Variants in CCDC86 observed in about 807,000 individuals in gnomAD.
The protein encoded by CCDC86 is coiled-coil domain-containing protein 86.
CCDC86 carries 28 observed loss-of-function variants against 36.7 expected under a neutral mutation model. That is an observed-to-expected ratio of 0.76 (90% CI 0.57 to 1.05). The LOEUF (loss-of-function observed/expected upper bound fraction) is 1.05, where lower values mean the gene tolerates loss of function less well. Among genes scored for constraint, CCDC86 ranks in the 50% least tolerant of loss-of-function variants. The pLI, the probability that CCDC86 is intolerant of heterozygous loss-of-function variation, is 0.00. For missense variants in CCDC86, 453 were observed against 470.2 expected, an observed-to-expected ratio of 0.96 and a Z score of 0.34; for synonymous variants, 199 against 203.4, an observed-to-expected ratio of 0.98 and a Z score of 0.18.
Position 60,848,071 on chromosome 11 carries a change from C to T in CCDC86, c.888+18C>T, listed in dbSNP as rs1855210080. The T allele has an allele frequency of 1.2e-6, 2 of 1,610,058 alleles. No individual in the cohort carries two copies. Among genetic ancestry groups the T allele is most frequent in the Admixed American group, 1.7e-5 (1 of 59,832 alleles). On this transcript the variant is annotated intron_variant, in intron 2 of 3. Coordinates refer to ENST00000227520, the MANE Select transcript of CCDC86 (RefSeq NM_024098.4). ...GCCGCCAGGTGAGGGGCCAGCCAGG[C>T]TGAGGCTGGGGCTCAGAGGACTAAG...
At position 60,842,271 on chromosome 11, in the gene CCDC86, G is replaced by A. The variant is rs909573791; in HGVS notation, c.147G>A (p.Pro49=). The A allele has an allele frequency of 1.9e-6, 3 of 1,613,466 alleles. No homozygotes were observed. Among genetic ancestry groups the A allele is most frequent in the African/African-American group, 2.7e-5 (2 of 75,042 alleles). ...PEETREPGSP[P]SVQRAGLGSP... ...AAACGAGGGAGCCCGGGTCTCCTCC[G>A]AGTGTGCAGCGGGCTGGCCTGGGGT... Residue 49 remains proline, a synonymous_variant, in exon 1 of 4, where the codon CCG becomes CCA. Coordinates refer to ENST00000227520, the MANE Select transcript of CCDC86 (RefSeq NM_024098.4).
In CCDC86 at chr11:60,847,983, A is replaced by T. The variant is rs1855208661; in HGVS notation, c.818A>T (p.Glu273Val). The change falls in exon 2 of 4, where the codon GAA (glutamate) becomes GTA (valine). Residue 273 changes from glutamate (E) to valine (V), a missense_variant. By Grantham distance (121) the Glu-to-Val change is moderately radical (BLOSUM62 -2). Transcript: ENST00000227520. ...ACATCGTGGCAGCGGAAGATGAAGGAACGACAGGAGAGGAAGCTGGCCAAG... is the reference window on the plus strand; with the variant it reads ...ACATCGTGGCAGCGGAAGATGAAGGTACGACAGGAGAGGAAGCTGGCCAAG... ...LRTSWQRKMK[E>V]RQERKLAKDF... 6.2e-7 allele frequency: 1 copy of T among 1,613,784 alleles called. No homozygotes were observed. The highest frequency in any genetic ancestry group is 2.2e-5 in the East Asian group (1 of 44,858).
intron 2 of CCDC86, 53 bp downstream of exon 2, chr11:60,848,106 A>G (rs1012278566): frequency 6.3e-7 from 1 of 1,593,974 alleles, no homozygotes; most frequent in African/African-American, 1.3e-5. Flanking sequence ...GCTAGTGTCT[A>G]CTGGTACAGA....
chr11:60,849,300 C>T (rs1855223461), intron 2 of CCDC86, among the ~76,000 whole-genome samples: 1 of 152,224 alleles, frequency 6.6e-6, no homozygotes, highest in African/African-American at 2.4e-5. Flanking sequence ...TCATTGATTT[C>T]CCAAAACTAT....
chr11:60,846,648 C>T (rs1855186326), intron 1 of CCDC86, among the ~76,000 whole-genome samples: 1 of 151,546 alleles, frequency 6.6e-6, no homozygotes, highest in South Asian at 2.1e-4. Flanking sequence ...AATCTCGGCT[C>T]ACCGCAACCT....
At chr11:60,844,542 A>G (rs1855160734) in intron 1 of CCDC86, among the ~76,000 whole-genome samples, 1 of 151,752 alleles carries the variant, frequency 6.6e-6, no homozygotes, top group South Asian at 2.1e-4. Flanking sequence ...CCAGTCCCCC[A>G]CTCATGTTTC....
intron 2 of CCDC86, among the ~76,000 whole-genome samples, chr11:60,849,688 C>G (rs2134803676): frequency 6.6e-6 from 1 of 152,342 alleles, no homozygotes; most frequent in African/African-American, 2.4e-5. Flanking sequence ...GTCTCAGCCC[C>G]TGTCCTCAGT....
chr11:60,842,989 A>T (rs1209375199), intron 1 of CCDC86, 107 bp downstream of exon 1: 2 of 1,380,182 alleles, frequency 1.4e-6, no homozygotes, highest in Middle Eastern at 1.9e-4. Context: ...GAGAGAGCTC[A>T]CGTTAGTGGG....
chr11:60,849,094 C>T (rs913961645), intron 2 of CCDC86, among the ~76,000 whole-genome samples: 25 of 152,102 alleles, frequency 1.6e-4, no homozygotes, highest in African/African-American at 5.6e-4. Flanking sequence ...CCCCTGCTAC[C>T]CCAAGTCACC....
chr11:60,842,963 A>C, intron 1 of CCDC86, 81 bp downstream of exon 1: 1 of 1,484,066 alleles, frequency 6.7e-7, no homozygotes, highest in Non-Finnish European at 9.0e-7. Context: ...CAGCCTGGAG[A>C]ATAGCCCCAG....
intron 2 of CCDC86, among the ~76,000 whole-genome samples, chr11:60,848,716 A>G (rs1396176112): frequency 6.6e-6 from 1 of 151,714 alleles, no homozygotes; most frequent in Admixed American, 6.6e-5. Context: ...TTCCTCCTCC[A>G]CTCCTCTAAT....
intron 1 of CCDC86, among the ~76,000 whole-genome samples, chr11:60,845,201 G>A (rs1342505025): frequency 1.3e-5 from 2 of 152,164 alleles, no homozygotes; most frequent in East Asian, 1.9e-4. Context: ...CAGAGGTCTC[G>A]CTGCTGGAAT....
Position 60,850,382 on chromosome 11 carries a change from A to G in CCDC86, c.*57A>G. Reference sequence around the variant, plus strand: ...ACAACCATGTCAGACACAGCACCTCAGGCCGCTGCTCAGATGCCTCTGCTG... The same window carrying G: ...ACAACCATGTCAGACACAGCACCTCGGGCCGCTGCTCAGATGCCTCTGCTG... On this transcript the variant is annotated 3_prime_UTR_variant, in exon 4 of 4. Coordinates refer to ENST00000227520, the MANE Select transcript of CCDC86 (RefSeq NM_024098.4). 3.1e-6 allele frequency: 5 copies of G among 1,592,378 alleles called. 1 individual carries two copies. The highest frequency in any genetic ancestry group is 4.3e-6 in the Non-Finnish European group (5 of 1,165,600).
At position 60,850,408 on chromosome 11, in the gene CCDC86, G is replaced by A; in HGVS notation, c.*83G>A. The stretch of plus-strand genomic sequence containing the variant: ...GGCCGCTGCTCAGATGCCTCTGCTG[G>A]AGCTGGCACTCCAAACCCATGGCTC... On this transcript the variant is annotated 3_prime_UTR_variant, in exon 4 of 4. Coordinates refer to ENST00000227520, the MANE Select transcript of CCDC86 (RefSeq NM_024098.4). 1 of 1,523,388 alleles carries A rather than the reference G, an allele frequency of 6.6e-7. No individual in the cohort carries two copies. Among genetic ancestry groups the A allele is most frequent in the Non-Finnish European group, 8.9e-7 (1 of 1,127,586 alleles). 94.4% of individuals were successfully genotyped at this position (1,523,388 alleles called of 1,614,324 possible). A position where few individuals can be genotyped will look rare whatever the true frequency, so the allele number is the denominator to read the frequency against.
At chr11:60,847,742 C>A in intron 1 of CCDC86, 182 bp from the exon 2 acceptor site, 3 of 647,420 alleles carry the variant, frequency 4.6e-6, no homozygotes, top group South Asian at 3.9e-5. Flanking sequence ...GCAGCCAGCA[C>A]GATCAGGGTT....
In CCDC86 at chr11:60,842,694, G is replaced by C; in HGVS notation, c.570G>C (p.Arg190=). The C allele has an allele frequency of 6.2e-7, 1 of 1,613,960 alleles. No homozygotes were observed. The highest frequency in any genetic ancestry group is 8.5e-7 in the Non-Finnish European group (1 of 1,179,976). ...CACCCAGGGCACCTGGCTCCCCCCG[G>C]GGTCAGCATGAGCCGAGCAAGCCAC... The part of the protein sequence containing the change: ...ELTPRAPGSP[R]GQHEPSKPPP... Residue 190 remains arginine (R), a synonymous_variant, in exon 1 of 4, where the codon CGG becomes CGC. Coordinates refer to ENST00000227520, the MANE Select transcript of CCDC86 (RefSeq NM_024098.4).
chr11:60,847,990 GGA>G lies in CCDC86; in HGVS notation c.829_830del (p.Arg277GlufsTer27). 3 of 1,613,796 alleles carry G rather than the reference GGA, an allele frequency of 1.9e-6. No homozygotes were observed. Among genetic ancestry groups the G allele is most frequent in the Non-Finnish European group, 2.5e-6 (3 of 1,179,784 alleles). On this transcript the variant is annotated frameshift_variant, in exon 2 of 4. Coordinates refer to ENST00000227520, the MANE Select transcript of CCDC86 (RefSeq NM_024098.4). LOFTEE classifies it high-confidence loss of function. The stretch of plus-strand genomic sequence containing the variant: ...GGCAGCGGAAGATGAAGGAACGACA[GGA>G]GAGGAAGCTGGCCAAGGACTTTGCC... Reference protein sequence around the residue: ...SWQRKMKERQERKLAKDFARH... With the variant: ...SWQRKMKERQXRKLAKDFARH...
intron 1 of CCDC86, among the ~76,000 whole-genome samples, chr11:60,846,596 C>T (rs1417319818): frequency 5.9e-5 from 9 of 151,438 alleles, no homozygotes; most frequent in African/African-American, 1.9e-4. Context: ...TGTTTTGAGA[C>T]GGAGTTTCAT....
At position 60,850,337 on chromosome 11, in the gene CCDC86, C is replaced by T. The variant is rs200607901; in HGVS notation, c.*12C>T. The T allele has an allele frequency of 9.3e-6, 15 of 1,612,348 alleles. No individual in the cohort carries two copies. The African/African-American group carries it at 2.0e-4, about 21-fold the overall frequency. On this transcript the variant is annotated 3_prime_UTR_variant, in exon 4 of 4. Transcript: ENST00000227520. ...CAGCCAAGATCTGAGCTCAGGACGG[C>T]CCGAGGCCTTCCATGGCCAACAACC...
Sources: allele counts gnomAD v4.1 joint callset (sites outside exome capture counted in the v4.1 genomes callset), GRCh38; gene constraint gnomAD v4.1.1; transcripts MANE v1.5; gene names NCBI Gene and HGNC (gene_info 2026-07-23, HGNC 2026-07-21).